SYN3: variants seen among roughly 807,000 people sequenced by gnomAD.
SYN3 encodes synapsin III.
In SYN3, 35 loss-of-function variants were observed where a neutral mutation model predicts 65.8. The observed-to-expected ratio is 0.53, with a 90% CI of 0.41 to 0.70. The LOEUF (loss-of-function observed/expected upper bound fraction) is 0.70, where lower values mean the gene tolerates loss of function less well. SYN3 is among the 30% of genes least tolerant of loss of function. The pLI, the probability that SYN3 is intolerant of heterozygous loss-of-function variation, is 0.00. For missense variants in SYN3, 680 were observed against 749.0 expected, an observed-to-expected ratio of 0.91 and a Z score of 1.08; for synonymous variants, 270 against 292.9, an observed-to-expected ratio of 0.92 and a Z score of 0.80.
In SYN3 at chr22:32,952,864, A is replaced by G. The variant is rs565920161; in HGVS notation, c.370-21383T>C. On this transcript the variant is annotated intron_variant, in intron 3 of 13. Coordinates refer to ENST00000358763, the MANE Select transcript of SYN3 (RefSeq NM_003490.4). The stretch of plus-strand genomic sequence containing the variant: ...CTGGAATCAGAACAAACGAGTTTGA[A>G]TCTGATCTCCACCCCTGCCTTGCTG... 9.8e-5 allele frequency among the ~76,000 whole-genome samples: 15 copies of G among 152,368 alleles called. No homozygotes were observed. The East Asian group carries it at 1.3e-3, about 14-fold the overall frequency.
intron 6 of SYN3, among the ~76,000 whole-genome samples, chr22:32,672,766 T>C (rs1351150272): frequency 6.6e-6 from 1 of 152,142 alleles, no homozygotes; most frequent in Admixed American, 6.5e-5. Flanking sequence ...GGTTCCCACA[T>C]TGGGAAACTG....
chr22:33,042,307 G>A (rs2053979036), intron 1 of SYN3, among the ~76,000 whole-genome samples: 1 of 152,118 alleles, frequency 6.6e-6, no homozygotes, highest in Non-Finnish European at 1.5e-5. Context: ...AAAAGTGTGG[G>A]GGTCAGGGGC....
At chr22:32,702,003 T>C (rs1033998382) in intron 6 of SYN3, among the ~76,000 whole-genome samples, 3 of 152,248 alleles carry the variant, frequency 2.0e-5, no homozygotes, top group African/African-American at 4.8e-5. Flanking sequence ...TTGATTTTCT[T>C]TCAGGAATAA....
chr22:32,766,037 A>G (rs129305), intron 6 of SYN3, among the ~76,000 whole-genome samples: 142,560 of 152,244 alleles, frequency 0.94, 66,854 homozygotes, highest in African/African-American at 0.97. Context: ...GTTGTTGTTC[A>G]TTTGTTTGGT....
intron 4 of SYN3, among the ~76,000 whole-genome samples, chr22:32,906,196 G>C (rs892318057): frequency 2.0e-4 from 31 of 152,136 alleles, no homozygotes; most frequent in Non-Finnish European, 2.8e-4. Flanking sequence ...TGCAAACAAC[G>C]ATCTGGCATT....
chr22:32,984,418 G>C (rs572964771), intron 2 of SYN3, among the ~76,000 whole-genome samples: 1 of 152,110 alleles, frequency 6.6e-6, no homozygotes, highest in Non-Finnish European at 1.5e-5. Flanking sequence ...CTCCTGGTGC[G>C]GGTATGTGGA....
At chr22:32,703,446 G>A (rs546330040) in intron 6 of SYN3, among the ~76,000 whole-genome samples, 2 of 152,180 alleles carry the variant, frequency 1.3e-5, no homozygotes, top group African/African-American at 4.8e-5. Context: ...AGACCATCCT[G>A]GCCAACACGG....
intron 6 of SYN3, among the ~76,000 whole-genome samples, chr22:32,599,941 C>T (rs183468283): frequency 4.3e-4 from 66 of 152,134 alleles, no homozygotes; most frequent in African/African-American, 1.5e-3. Flanking sequence ...GGGTACGTCG[C>T]GGTCATGTGC....
At chr22:32,689,771 T>G (rs953812857) in intron 6 of SYN3, among the ~76,000 whole-genome samples, 3 of 152,172 alleles carry the variant, frequency 2.0e-5, no homozygotes, top group Non-Finnish European at 4.4e-5. Context: ...TCAATAGTCA[T>G]GCATTTAAGT....
rs972639412 is a variant in SYN3 at position 32,518,117 on chromosome 22, G to C, written c.1536C>G (p.Pro512=). The C allele has an allele frequency of 1.3e-6, 2 of 1,596,480 alleles. No individual in the cohort carries two copies. Among genetic ancestry groups the C allele is most frequent in the Admixed American group, 1.7e-5 (1 of 57,918 alleles). ...PGATLASQPR[P]PVQGRSTSQQ... The stretch of plus-strand genomic sequence containing the variant: ...GGGAGGTACTACGGCCCTGCACAGG[G>C]GGCCGGGGCTGTGAGGCGAGGGTGG... Residue 512 remains proline (P), a synonymous_variant, in exon 13 of 14, where the codon CCC becomes CCG. Coordinates refer to ENST00000358763, the MANE Select transcript of SYN3 (RefSeq NM_003490.4).
At chr22:32,876,828 T>C (rs2048996900) in intron 4 of SYN3, among the ~76,000 whole-genome samples, 1 of 152,226 alleles carries the variant, frequency 6.6e-6, no homozygotes, top group African/African-American at 2.4e-5. Flanking sequence ...TTTGTTAAGG[T>C]AGTCAGGTGG....
intron 6 of SYN3, among the ~76,000 whole-genome samples, chr22:32,775,134 A>T (rs1029460673): frequency 4.6e-5 from 7 of 152,158 alleles, no homozygotes; most frequent in Admixed American, 4.6e-4. Flanking sequence ...GCTGGCTTGT[A>T]GACAGCCACC....
At chr22:32,638,811 T>C (rs1459421011) in intron 6 of SYN3, among the ~76,000 whole-genome samples, 1 of 152,216 alleles carries the variant, frequency 6.6e-6, no homozygotes, top group Non-Finnish European at 1.5e-5. Flanking sequence ...AGAAGTTCTT[T>C]AGTTTAATTA....
Position 32,653,429 on chromosome 22 carries a change from A to G in SYN3, c.712-56693T>C, listed in dbSNP as rs79212704. ...GCTTGTGCTGCCAATGAAAAATGAAACAAACAAAAAAGGTTTACAAGAAAA... is the reference window on the plus strand; with the variant it reads ...GCTTGTGCTGCCAATGAAAAATGAAGCAAACAAAAAAGGTTTACAAGAAAA... On this transcript the variant is annotated intron_variant, in intron 6 of 13. Coordinates refer to ENST00000358763, the MANE Select transcript of SYN3 (RefSeq NM_003490.4). 4.4e-3 allele frequency among the ~76,000 whole-genome samples: 671 copies of G among 152,332 alleles called. 7 individuals are homozygous for G. The highest frequency in any genetic ancestry group is 0.037 in the East Asian group (192 of 5,184).
intron 1 of SYN3, among the ~76,000 whole-genome samples, chr22:33,052,341 A>C (rs1371442262): frequency 6.6e-6 from 1 of 151,700 alleles, no homozygotes; most frequent in Non-Finnish European, 1.5e-5. Context: ...GAGAGACTGC[A>C]GTAAGAGACT....
intron 6 of SYN3, among the ~76,000 whole-genome samples, chr22:32,803,731 C>T (rs1211297791): frequency 6.6e-6 from 1 of 152,164 alleles, no homozygotes; most frequent in Non-Finnish European, 1.5e-5. Flanking sequence ...CTGGTTTTGC[C>T]CAGCAGGATC....
intron 12 of SYN3, among the ~76,000 whole-genome samples, chr22:32,526,411 C>CT (rs1432781420): frequency 6.6e-5 from 10 of 152,078 alleles, no homozygotes; most frequent in Non-Finnish European, 1.5e-4. Flanking sequence ...CCAAGGTTGA[C>CT]TTTTTTTCAC....
chr22:32,658,460 C>A (rs915823188), intron 6 of SYN3, among the ~76,000 whole-genome samples: 6 of 152,210 alleles, frequency 3.9e-5, no homozygotes, highest in African/African-American at 7.2e-5. Context: ...GACATGCTGA[C>A]CCTGCCTTGG....
intron 6 of SYN3, among the ~76,000 whole-genome samples, chr22:32,835,774 G>A (rs1229884937): frequency 6.6e-6 from 1 of 152,208 alleles, no homozygotes; most frequent in Non-Finnish European, 1.5e-5. Flanking sequence ...CCCTTTGTCT[G>A]CAAGCCAAGG....
Sources: gnomAD v4.1 joint callset for allele counts (sites outside exome capture counted in the v4.1 genomes callset) on GRCh38, gnomAD v4.1.1 for gene constraint, MANE v1.5 for transcripts, NCBI Gene and HGNC (gene_info 2026-07-23, HGNC 2026-07-21) for gene names.